The following GRIN2A variants were observed in gnomAD, a reference collection of about 807,000 sequenced individuals.
The protein encoded by GRIN2A is glutamate ionotropic receptor NMDA type subunit 2A, also known as glutamate receptor ionotropic, NMDA 2A.
A neutral mutation model predicts 113.4 loss-of-function variants in GRIN2A; 22 were observed. The observed-to-expected ratio is 0.19, with a 90% confidence interval of 0.14 to 0.28. The LOEUF (loss-of-function observed/expected upper bound fraction) is 0.28, where lower values mean the gene tolerates loss of function less well. GRIN2A is among the 10% of genes least tolerant of loss of function. GRIN2A has a pLI of 1.00. For missense variants in GRIN2A, 1,502 were observed against 1,887.0 expected (o/e 0.80, Z 3.78); for synonymous variants, 827 against 738.4 (o/e 1.12, Z -1.94).
chr16:10,072,414 T>C (rs1381197362), intron 2 of GRIN2A, among the ~76,000 whole-genome samples: 2 of 152,240 alleles, frequency 1.3e-5, no homozygotes, highest in African/African-American at 4.8e-5. Context: ...CTCCGATGCC[T>C]CTCAGCTTTG....
intron 2 of GRIN2A, among the ~76,000 whole-genome samples, chr16:10,174,472 A>C (rs1437341736): frequency 6.6e-6 from 1 of 152,212 alleles, no homozygotes; most frequent in Non-Finnish European, 1.5e-5. Context: ...CAACTAACTG[A>C]TTCTACAAAT....
At chr16:9,897,202 T>TTACATATTATATATATATATATG (rs140181121) in intron 3 of GRIN2A, among the ~76,000 whole-genome samples, 2 of 86,206 alleles carry the variant, frequency 2.3e-5, no homozygotes, top group East Asian at 2.2e-4. Context: ...ACATATATAT[T>TTACATATTATATATATATATATG]TACATATTTT....
chr16:10,168,282 T>C (rs1483334833), intron 2 of GRIN2A, among the ~76,000 whole-genome samples: 1 of 152,218 alleles, frequency 6.6e-6, no homozygotes, highest in Non-Finnish European at 1.5e-5. Context: ...TAATGTAAAG[T>C]CTTTTGGGAA....
intron 4 of GRIN2A, among the ~76,000 whole-genome samples, chr16:9,870,149 G>A (rs1291526256): frequency 2.0e-5 from 3 of 152,168 alleles, no homozygotes; most frequent in Non-Finnish European, 2.9e-5. Context: ...CCTGCCAAAA[G>A]CCACTTGGTG....
intron 2 of GRIN2A, among the ~76,000 whole-genome samples, chr16:10,067,888 G>A (rs148582640): frequency 8.4e-4 from 128 of 152,326 alleles, no homozygotes; most frequent in African/African-American, 2.8e-3. Context: ...AAAGAATGAT[G>A]TGGTCCCAAA....
chr16:10,100,042 G>C (rs1433413391), intron 2 of GRIN2A, among the ~76,000 whole-genome samples: 1 of 152,174 alleles, frequency 6.6e-6, no homozygotes, highest in African/African-American at 2.4e-5. Flanking sequence ...AGAAGTATCA[G>C]CAGAATGAAC....
At chr16:10,116,215 A>G (rs975932087) in intron 2 of GRIN2A, among the ~76,000 whole-genome samples, 5 of 152,228 alleles carry the variant, frequency 3.3e-5, no homozygotes, top group African/African-American at 1.2e-4. Context: ...AAACCAACAC[A>G]GGAACAGAAA....
At chr16:10,114,251 G>C (rs1485529398) in intron 2 of GRIN2A, among the ~76,000 whole-genome samples, 1 of 152,136 alleles carries the variant, frequency 6.6e-6, no homozygotes, top group Non-Finnish European at 1.5e-5. Context: ...ACCACACAGT[G>C]AGACTGTGCT....
chr16:9,948,295 G>C (rs548685151), intron 2 of GRIN2A, among the ~76,000 whole-genome samples: 1 of 152,222 alleles, frequency 6.6e-6, no homozygotes, highest in Non-Finnish European at 1.5e-5. Flanking sequence ...GAGAGAGGCA[G>C]TTCTCAAACT....
At chr16:9,892,933 G>GAAA (rs57666918) in intron 3 of GRIN2A, among the ~76,000 whole-genome samples, 12 of 96,572 alleles carry the variant, frequency 1.2e-4, no homozygotes, top group East Asian at 7.7e-4. Flanking sequence ...GCTAAAAAGT[G>GAAA]AAAAAAAAAA....
At chr16:10,113,401 G>C (rs1456108818) in intron 2 of GRIN2A, among the ~76,000 whole-genome samples, 4 of 152,174 alleles carry the variant, frequency 2.6e-5, no homozygotes, top group Non-Finnish European at 5.9e-5. Flanking sequence ...TGGCTCCTTA[G>C]GCCATTCCCC....
intron 11 of GRIN2A, among the ~76,000 whole-genome samples, chr16:9,786,249 G>T (rs1902221822): frequency 6.6e-6 from 1 of 152,204 alleles, no homozygotes; most frequent in African/African-American, 2.4e-5. Flanking sequence ...TTGCAAGCCT[G>T]TATCGAGGCC....
intron 2 of GRIN2A, among the ~76,000 whole-genome samples, chr16:10,141,011 T>C (rs2049315796): frequency 6.6e-6 from 1 of 151,202 alleles, no homozygotes; most frequent in Non-Finnish European, 1.5e-5. Flanking sequence ...CTGGGCAACA[T>C]AGTGAGACCC....
intron 2 of GRIN2A, among the ~76,000 whole-genome samples, chr16:10,055,691 A>G (rs993968352): frequency 6.6e-6 from 1 of 152,220 alleles, no homozygotes; most frequent in Non-Finnish European, 1.5e-5. Context: ...AATTCAACTA[A>G]GCCCTTCCTT....
intron 2 of GRIN2A, among the ~76,000 whole-genome samples, chr16:9,996,540 C>A (rs895750373): frequency 6.6e-6 from 1 of 152,192 alleles, no homozygotes; most frequent in Non-Finnish European, 1.5e-5. Flanking sequence ...ACATCTCCTC[C>A]CAAGTGACCT....
At chr16:9,883,812 A>C (rs538037679) in intron 4 of GRIN2A, among the ~76,000 whole-genome samples, 3 of 152,152 alleles carry the variant, frequency 2.0e-5, no homozygotes, top group Non-Finnish European at 4.4e-5. Flanking sequence ...ATGCACCTGA[A>C]ACCAAATGTA....
At chr16:9,921,453 A>T (rs1373413682) in intron 3 of GRIN2A, among the ~76,000 whole-genome samples, 11 of 152,198 alleles carry the variant, frequency 7.2e-5, no homozygotes, top group Non-Finnish European at 1.6e-4. Context: ...GGTCATCTTG[A>T]TACTGATCCT....
chr16:10,173,853 G>A (rs1286886429), intron 2 of GRIN2A, among the ~76,000 whole-genome samples: 1 of 152,094 alleles, frequency 6.6e-6, no homozygotes, highest in Non-Finnish European at 1.5e-5. Context: ...TATAAAAGCA[G>A]GTTGTGAAAT....
intron 2 of GRIN2A, among the ~76,000 whole-genome samples, chr16:9,983,554 C>T (rs1321024453): frequency 6.6e-6 from 1 of 151,596 alleles, no homozygotes; most frequent in Non-Finnish European, 1.5e-5. Flanking sequence ...ATTCTCCTGC[C>T]TCAGCCTCCC....
Sources: gnomAD v4.1 joint callset for allele counts (sites outside exome capture counted in the v4.1 genomes callset) on GRCh38, gnomAD v4.1.1 for gene constraint, MANE v1.5 for transcripts, NCBI Gene and HGNC (gene_info 2026-07-23, HGNC 2026-07-21) for gene names.